The following APH1B variants were observed in gnomAD, a reference collection of about 807,000 sequenced individuals.
The protein encoded by APH1B is aph-1B gamma-secretase subunit, also known as gamma-secretase subunit APH-1B.
APH1B carries 27 observed loss-of-function variants against 28.2 expected under a neutral mutation model. The observed-to-expected ratio is 0.96, with a 90% CI of 0.70 to 1.32. The LOEUF is 1.32. Among genes scored for constraint, APH1B ranks in the 40% most tolerant of loss-of-function variants. The pLI is 0.00. For missense variants in APH1B, 305 were observed against 313.6 expected, an observed-to-expected ratio of 0.97 and a Z score of 0.21; for synonymous variants, 141 against 124.6, an observed-to-expected ratio of 1.13 and a Z score of -0.88.
chr15:63,281,897 G>T (rs1372522977), intron 2 of APH1B, among the ~76,000 whole-genome samples: 3 of 152,130 alleles, frequency 2.0e-5, no homozygotes, highest in Admixed American at 6.5e-5. Context: ...AGGCTCGAAT[G>T]CCAGGAAGTT....
At position 63,287,434 on chromosome 15, in the gene APH1B, G is replaced by A; in HGVS notation, c.366G>A (p.Leu122=). Residue 122 remains leucine, a synonymous_variant, in exon 4 of 6, where the codon TTG becomes TTA. Coordinates refer to ENST00000261879, the MANE Select transcript of APH1B (RefSeq NM_031301.4). ...SMRLLAYVSG[L]GFGIMSGVFS... is the part of the protein sequence containing the mutation. ...TTTCTTCCTGTTTAGTTTCTGGCTT[G>A]GGCTTTGGAATCATGAGTGGAGTAT... The A allele has an allele frequency of 6.2e-7, 1 of 1,613,644 alleles. No homozygotes were observed. The highest frequency in any genetic ancestry group is 1.1e-5 in the South Asian group (1 of 91,024).
chr15:63,307,625 T>G lies in APH1B; in HGVS notation c.*1844T>G, dbSNP rs894805622. On this transcript the variant is annotated 3_prime_UTR_variant, in exon 6 of 6. Coordinates refer to ENST00000261879, the MANE Select transcript of APH1B (RefSeq NM_031301.4). ...ACTCATCAAACTGGGATTATTCTTA[T>G]CAAAACATGGTCTTCTTTGAATAAG... 6.6e-6 allele frequency: 1 copy of G among 152,236 alleles called. No homozygotes were observed. The highest frequency in any genetic ancestry group is 2.4e-5 in the African/African-American group (1 of 41,470). The allele number at this position is 152,236 out of a possible 1,614,324, so 9.4% of individuals were successfully genotyped here.
At position 63,306,422 on chromosome 15, in the gene APH1B, A is replaced by G. The variant is rs200453100; in HGVS notation, c.*641A>G. On this transcript the variant is annotated 3_prime_UTR_variant, in exon 6 of 6. Transcript: ENST00000261879. ...AGCCGTATTTTTCTGAAGTGCTTCCATTCCAGGTTTTGCTTTCTGAGGCAT... is the reference window on the plus strand; with the variant it reads ...AGCCGTATTTTTCTGAAGTGCTTCCGTTCCAGGTTTTGCTTTCTGAGGCAT... The G allele has an allele frequency of 1.3e-5, 2 of 152,260 alleles. No individual in the cohort carries two copies. The highest frequency in any genetic ancestry group is 1.9e-4 in the East Asian group (1 of 5,200). 9.4% of individuals were successfully genotyped at this position (152,260 alleles called of 1,614,324 possible).
At chr15:63,291,275 G>T (rs184024226) in intron 4 of APH1B, among the ~76,000 whole-genome samples, 1 of 152,050 alleles carries the variant, frequency 6.6e-6, no homozygotes, top group Non-Finnish European at 1.5e-5. Flanking sequence ...TTTTCATTCC[G>T]AATTACCTCC....
chr15:63,297,869 C>T (rs1420478188), intron 4 of APH1B, among the ~76,000 whole-genome samples: 1 of 152,160 alleles, frequency 6.6e-6, no homozygotes, highest in African/African-American at 2.4e-5. Flanking sequence ...ATAGTGAAGG[C>T]TGTGATGACC....
intron 2 of APH1B, among the ~76,000 whole-genome samples, chr15:63,285,322 G>T (rs1326526292): frequency 6.6e-6 from 1 of 152,098 alleles, no homozygotes; most frequent in Non-Finnish European, 1.5e-5. Context: ...AGTATGTTCT[G>T]GTTAATTTAA....
At chr15:63,294,620 T>A (rs1214790808) in intron 4 of APH1B, among the ~76,000 whole-genome samples, 1 of 152,368 alleles carries the variant, frequency 6.6e-6, no homozygotes, top group African/African-American at 2.4e-5. Context: ...GTTCCAACAC[T>A]ATTTCCTGGA....
chr15:63,284,375 G>A (rs111745318), intron 2 of APH1B, among the ~76,000 whole-genome samples: 1,882 of 151,906 alleles, frequency 0.012, 31 homozygotes, highest in African/African-American at 0.044. Context: ...CACCACACCC[G>A]GCTCATTTTT....
At chr15:63,278,837 A>G (rs933972493) in intron 1 of APH1B, among the ~76,000 whole-genome samples, 1 of 152,238 alleles carries the variant, frequency 6.6e-6, no homozygotes, top group African/African-American at 2.4e-5. Flanking sequence ...AGCATTGATT[A>G]GAAAGAGTAG....
intron 4 of APH1B, among the ~76,000 whole-genome samples, chr15:63,299,825 G>T (rs1349724841): frequency 1.3e-5 from 2 of 151,848 alleles, no homozygotes; most frequent in Non-Finnish European, 2.9e-5. Flanking sequence ...ACATCCAATT[G>T]GAAAAGGCAA....
intron 5 of APH1B, among the ~76,000 whole-genome samples, chr15:63,303,666 T>C (rs942569114): frequency 6.6e-5 from 10 of 152,118 alleles, no homozygotes; most frequent in African/African-American, 1.4e-4. Flanking sequence ...TGGCTAACTT[T>C]TAAATTTTTT....
chr15:63,284,112 GA>G (rs1226623484), intron 2 of APH1B, among the ~76,000 whole-genome samples: 1 of 152,124 alleles, frequency 6.6e-6, no homozygotes, highest in Non-Finnish European at 1.5e-5. Context: ...TTGAAATGGA[GA>G]AGTGTAAGTC....
chr15:63,301,912 T>C (rs1036500060), intron 4 of APH1B, among the ~76,000 whole-genome samples: 1 of 152,340 alleles, frequency 6.6e-6, no homozygotes, highest in East Asian at 1.9e-4. Context: ...CGCCTGGCCA[T>C]GATTTTAATA....
intron 2 of APH1B, 55 bp downstream of exon 2, chr15:63,279,386 T>G (rs2038361580): frequency 6.6e-7 from 1 of 1,509,092 alleles, no homozygotes. Flanking sequence ...TTAGTTATGA[T>G]TTGGTCATTT....
intron 2 of APH1B, among the ~76,000 whole-genome samples, chr15:63,284,084 T>C (rs769173493): frequency 3.3e-5 from 5 of 152,256 alleles, no homozygotes; most frequent in Non-Finnish European, 7.3e-5. Flanking sequence ...CTTGAATATT[T>C]TACTTTTGTA....
chr15:63,303,287 T>C (rs558247468), intron 5 of APH1B, among the ~76,000 whole-genome samples: 97 of 152,328 alleles, frequency 6.4e-4, no homozygotes, highest in African/African-American at 2.2e-3. Context: ...AGGGTGACCA[T>C]GACGCTGGCT....
chr15:63,302,780 C>G (rs2038646329), intron 5 of APH1B, among the ~76,000 whole-genome samples: 1 of 152,182 alleles, frequency 6.6e-6, no homozygotes, highest in Non-Finnish European at 1.5e-5. Context: ...GTTGCGTATT[C>G]CAGACTCGGC....
intron 2 of APH1B, among the ~76,000 whole-genome samples, chr15:63,281,693 A>G (rs2038390825): frequency 6.6e-6 from 1 of 151,318 alleles, no homozygotes; most frequent in Admixed American, 6.6e-5. Context: ...AAATGGCAAC[A>G]TTTTCCTGGC....
In APH1B at chr15:63,302,408, G is replaced by C. The variant is rs760354102; in HGVS notation, c.542G>C (p.Cys181Ser). ...VFWGIVFFDG[C>S]EKKKWGILLI... ...TGGGGCATTGTATTTTTTGATGGCT[G>C]TGAGAAGAAAAAGTGGGGCATCCTC... The change falls in exon 5 of 6, where the codon TGT (cysteine) becomes TCT (serine). Residue 181 changes from cysteine to serine, a missense_variant. By Grantham distance (112) the Cys-to-Ser change is moderately radical. Coordinates refer to ENST00000261879, the MANE Select transcript of APH1B (RefSeq NM_031301.4). 1.2e-6 allele frequency: 2 copies of C among 1,613,914 alleles called. No homozygotes were observed. The highest frequency in any genetic ancestry group is 2.7e-5 in the African/African-American group (2 of 74,878).
Sources: gnomAD v4.1 joint callset for allele counts (sites outside exome capture counted in the v4.1 genomes callset) on GRCh38, gnomAD v4.1.1 for gene constraint, MANE v1.5 for transcripts, NCBI Gene and HGNC (gene_info 2026-07-23, HGNC 2026-07-21) for gene names.